GAD1: variants seen among roughly 807,000 people sequenced by gnomAD.
GAD1 encodes the protein glutamate decarboxylase 1.
In GAD1, 35 loss-of-function variants were observed where a neutral mutation model predicts 75.2. That is an observed-to-expected ratio of 0.47 (90% CI 0.36 to 0.62). The LOEUF (loss-of-function observed/expected upper bound fraction) is 0.62, where lower values mean the gene tolerates loss of function less well. Among genes scored for constraint, GAD1 ranks in the 20% least tolerant of loss-of-function variants. GAD1 has a pLI of 0.00. For synonymous variants in GAD1, 257 were observed against 271.9 expected, an observed-to-expected ratio of 0.95 and a Z score of 0.54; for missense variants, 490 against 758.5, an observed-to-expected ratio of 0.65 and a Z score of 4.16.
chr2:170,840,080 C>T (rs781056057), intron 6 of GAD1, among the ~76,000 whole-genome samples: 3 of 152,254 alleles, frequency 2.0e-5, no homozygotes, highest in African/African-American at 4.8e-5. Context: ...CACACTAACT[C>T]GGAGATCTTA....
chr2:170,832,493 C>T (rs984572066), intron 5 of GAD1, among the ~76,000 whole-genome samples: 16 of 152,134 alleles, frequency 1.1e-4, no homozygotes, highest in Admixed American at 7.9e-4. Context: ...TGATTACATC[C>T]GCAAAGACCC....
intron 3 of GAD1, 76 bp downstream of exon 3, chr2:170,822,225 C>G (rs1701905752): frequency 1.6e-6 from 2 of 1,222,808 alleles, no homozygotes; most frequent in Non-Finnish European, 2.4e-6. Context: ...GACTGGGACG[C>G]AAGCGGAGGG....
At chr2:170,832,861 A>G (rs1174314883) in intron 5 of GAD1, among the ~76,000 whole-genome samples, 2 of 152,116 alleles carry the variant, frequency 1.3e-5, no homozygotes, top group East Asian at 1.9e-4. Flanking sequence ...TTGCTTTCCA[A>G]TTGCCTCCAG....
At chr2:170,825,492 C>T (rs1702001798) in intron 3 of GAD1, among the ~76,000 whole-genome samples, 1 of 152,226 alleles carries the variant, frequency 6.6e-6, no homozygotes. Flanking sequence ...GCTTCAGCTC[C>T]CACGTGCCCT....
At chr2:170,821,780 A>G in intron 2 of GAD1, 1 of 448,466 alleles carries the variant, frequency 2.2e-6, no homozygotes, top group Non-Finnish European at 4.1e-6. Flanking sequence ...CCTTCACCCA[A>G]CTCCGACCCC....
At chr2:170,824,912 T>C (rs1033897791) in intron 3 of GAD1, among the ~76,000 whole-genome samples, 24 of 148,676 alleles carry the variant, frequency 1.6e-4, no homozygotes, top group Non-Finnish European at 3.0e-4. Context: ...CCTGAGCTGT[T>C]TTATTTAGCC....
intron 5 of GAD1, among the ~76,000 whole-genome samples, chr2:170,835,403 C>A (rs1302345539): frequency 6.6e-6 from 1 of 152,064 alleles, no homozygotes; most frequent in African/African-American, 2.4e-5. Context: ...CATGAGCGGC[C>A]CAGCACCATA....
intron 14 of GAD1, among the ~76,000 whole-genome samples, chr2:170,856,477 G>GT (rs538745052): frequency 6.4e-4 from 98 of 152,318 alleles, no homozygotes; most frequent in African/African-American, 2.3e-3. Flanking sequence ...ATCTTTCGAA[G>GT]TTTTTCTGAT....
At chr2:170,848,496 C>CAA (rs368907107) in intron 11 of GAD1, among the ~76,000 whole-genome samples, 19 of 64,054 alleles carry the variant, frequency 3.0e-4, no homozygotes, top group East Asian at 9.9e-4. Flanking sequence ...AACTCTGTCT[C>CAA]AAAAAAAAAA....
intron 6 of GAD1, among the ~76,000 whole-genome samples, chr2:170,840,995 G>GCTGA (rs1166554541): frequency 2.0e-5 from 3 of 152,116 alleles, no homozygotes; most frequent in Non-Finnish European, 4.4e-5. Flanking sequence ...CTGCAAAAGG[G>GCTGA]CTGACTCACT....
At position 170,818,454 on chromosome 2, in the gene GAD1, C is replaced by G. The variant is rs981201341; in HGVS notation, c.-63-75C>G. 11 of 796,010 alleles carry G rather than the reference C, an allele frequency of 1.4e-5. No homozygotes were observed. Among genetic ancestry groups the G allele is most frequent in the Admixed American group, 1.1e-4 (6 of 55,414 alleles). The allele number at this position is 796,010 out of a possible 1,614,324, so 49.3% of individuals were successfully genotyped here. ...CGGATCTTCAAGGGGAGCCTCCGTG[C>G]CCCCGGCTGCTCAGTCCCTCCGGTG... On this transcript the variant is annotated intron_variant, in intron 1 of 16. Transcript: ENST00000358196. The surrounding 1 kb of genome is among the most constrained non-coding windows in gnomAD (Gnocchi z 5.9).
intron 12 of GAD1, 61 bp from the exon 13 acceptor site, chr2:170,852,653 A>T: frequency 7.0e-7 from 1 of 1,426,204 alleles, no homozygotes; most frequent in Non-Finnish European, 9.9e-7. Context: ...GTTTTCCTCA[A>T]GAGAACAGTT....
chr2:170,841,885 G>T (rs1374274264), intron 6 of GAD1, among the ~76,000 whole-genome samples: 2 of 152,174 alleles, frequency 1.3e-5, no homozygotes, highest in Non-Finnish European at 2.9e-5. Flanking sequence ...CATCCTAGTA[G>T]GTTTCCTCCT....
In GAD1 at chr2:170,818,635, C is replaced by T. The variant is rs762380299; in HGVS notation, c.44C>T (p.Ala15Val). 6 of 1,614,004 alleles carry T rather than the reference C, an allele frequency of 3.7e-6. No individual in the cohort carries two copies. The highest frequency in any genetic ancestry group is 1.1e-5 in the South Asian group (1 of 91,086). The change falls in exon 2 of 17, where the codon GCG (alanine) becomes GTG (valine). Residue 15 changes from alanine to valine, a missense_variant. Physicochemically the swap from Ala to Val is moderately conservative, Grantham distance 64 (BLOSUM62 0). Around this residue, in one of 3 missense-constraint regions of GAD1, gnomAD observed 165 missense variants for 216.4 expected, o/e 0.76. Coordinates refer to ENST00000358196, the MANE Select transcript of GAD1 (RefSeq NM_000817.3). The surrounding 1 kb of genome is among the most constrained non-coding windows in gnomAD (Gnocchi z 5.9). Reference protein sequence around the residue: ...TPSSSATSSNAGADPNTTNLR... With the variant: ...TPSSSATSSNVGADPNTTNLR... Reference sequence around the variant, plus strand: ...TCTTCGTCCGCAACCTCCTCGAACGCGGGAGCGGACCCCAATACCACTAAC... The same window carrying T: ...TCTTCGTCCGCAACCTCCTCGAACGTGGGAGCGGACCCCAATACCACTAAC...
chr2:170,818,845 C>T lies in GAD1; in HGVS notation c.82+172C>T, dbSNP rs1413209680. Among the ~76,000 whole-genome samples the T allele has an allele frequency of 6.6e-6, 1 of 151,912 alleles. No homozygotes were observed. Among genetic ancestry groups the T allele is most frequent in the Non-Finnish European group, 1.5e-5 (1 of 68,014 alleles). ...CCAGAGGTCATTCGGCTGTCAGGGA[C>T]GCTAGGTGACTCCCAGGGCACCGGA... On this transcript the variant is annotated intron_variant, in intron 2 of 16. Coordinates refer to ENST00000358196, the MANE Select transcript of GAD1 (RefSeq NM_000817.3). The surrounding 1 kb of genome is among the most constrained non-coding windows in gnomAD (Gnocchi z 5.9).
In GAD1 at chr2:170,860,662, T is replaced by A. The variant is rs1702947117; in HGVS notation, c.*780T>A. 1 of 152,800 alleles carries A rather than the reference T, an allele frequency of 6.5e-6. No homozygotes were observed. Among genetic ancestry groups the A allele is most frequent in the South Asian group, 2.1e-4 (1 of 4,832 alleles). 9.5% of individuals were successfully genotyped at this position (152,800 alleles called of 1,614,324 possible). ...ATTTGTAATGTATCTTATTTATATA[T>A]GAAGTAAGTTCTGAAAACTGTTTAT... is the stretch of plus-strand genomic sequence containing the variant. On this transcript the variant is annotated 3_prime_UTR_variant, in exon 17 of 17. Coordinates refer to ENST00000358196, the MANE Select transcript of GAD1 (RefSeq NM_000817.3).
intron 10 of GAD1, 86 bp downstream of exon 10, chr2:170,846,149 C>A: frequency 2.7e-6 from 3 of 1,106,280 alleles, no homozygotes; most frequent in Non-Finnish European, 4.1e-6. Context: ...TAATATGAGA[C>A]AATTTTCTTG....
intron 15 of GAD1, among the ~76,000 whole-genome samples, chr2:170,858,341 C>T (rs546697271): frequency 5.3e-5 from 8 of 152,130 alleles, no homozygotes; most frequent in African/African-American, 1.9e-4. Flanking sequence ...AGGAGCAACC[C>T]TATTAATTGA....
At position 170,845,640 on chromosome 2, in the gene GAD1, C is replaced by A. The variant is rs938708639; in HGVS notation, c.867+19C>A. ...AGAACAGGTGAGTCGGGGATGCTTTCTCATGGATAGTGGTGTTTTTTAGGG... is the reference window on the plus strand; with the variant it reads ...AGAACAGGTGAGTCGGGGATGCTTTATCATGGATAGTGGTGTTTTTTAGGG... On this transcript the variant is annotated intron_variant, in intron 8 of 16. Transcript: ENST00000358196. 6.2e-7 allele frequency: 1 copy of A among 1,613,142 alleles called. No individual in the cohort carries two copies.
Sources: gnomAD v4.1 joint callset for allele counts (sites outside exome capture counted in the v4.1 genomes callset) on GRCh38, gnomAD v4.1.1 for gene constraint, gnomAD v4.1.1 regional missense constraint, Gnocchi (gnomAD v3.1) non-coding constraint, MANE v1.5 for transcripts, NCBI Gene and HGNC (gene_info 2026-07-23, HGNC 2026-07-21) for gene names.